ADGRF4: variants seen among roughly 807,000 people sequenced by gnomAD.
ADGRF4 encodes adhesion G protein-coupled receptor F4.
In ADGRF4, 63 loss-of-function variants were observed where a neutral mutation model predicts 58.5. The observed-to-expected ratio is 1.08, with a 90% CI of 0.88 to 1.33. ADGRF4 has a LOEUF of 1.33. Ranked by LOEUF, ADGRF4 falls within the 40% of genes most tolerant of loss-of-function variation. The pLI is 0.00. For synonymous variants in ADGRF4, 313 were observed against 295.4 expected, an observed-to-expected ratio of 1.06 and a Z score of -0.61; for missense variants, 931 against 843.9, an observed-to-expected ratio of 1.10 and a Z score of -1.28.
chr6:47,707,112 G>T, intron 1 of ADGRF4, 118 bp from the exon 2 acceptor site: 1 of 661,016 alleles, frequency 1.5e-6, no homozygotes, highest in South Asian at 1.8e-5. Flanking sequence ...AGGCTGCTTT[G>T]GCATGACTAT....
rs115580348 is a variant in ADGRF4, at chr6:47,701,372, G to A, written c.-17+2578G>A. Among the ~76,000 whole-genome samples the A allele has an allele frequency of 4.4e-3, 663 of 152,216 alleles. 3 individuals carry two copies. Among genetic ancestry groups the A allele is most frequent in the African/African-American group, 0.014 (578 of 41,562 alleles). ...AAGTGGAGGAGAAGGAACCTGCGAC[G>A]TGACTTTTTCAGGTCCCAAGAAGCT... On this transcript the variant is annotated intron_variant, in intron 1 of 9. Coordinates refer to ENST00000283303, the MANE Select transcript of ADGRF4 (RefSeq NM_153838.5).
Position 47,716,799 on chromosome 6 carries a change from G to A in ADGRF4, c.1933-7G>A, listed in dbSNP as rs112134528. Reference sequence around the variant, plus strand: ...ATCCCTCATGAATCTGTTCAATTTTGCCACAGGGTTTTTTCATCCTGCTGT... The same window carrying A: ...ATCCCTCATGAATCTGTTCAATTTTACCACAGGGTTTTTTCATCCTGCTGT... On this transcript the variant is annotated splice_polypyrimidine_tract_variant and splice_region_variant and intron_variant, in intron 6 of 9. Coordinates refer to ENST00000283303, the MANE Select transcript of ADGRF4 (RefSeq NM_153838.5). The A allele has an allele frequency of 1.3e-6, 2 of 1,597,936 alleles. No homozygotes were observed. Among genetic ancestry groups the A allele is most frequent in the South Asian group, 2.3e-5 (2 of 88,400 alleles).
Position 47,714,210 on chromosome 6 carries a change from C to G in ADGRF4, c.965C>G (p.Ser322Ter). The G allele has an allele frequency of 9.9e-6, 16 of 1,614,116 alleles. No homozygotes were observed. The highest frequency in any genetic ancestry group is 1.1e-5 in the Non-Finnish European group (13 of 1,180,016). ...AGACAGGTAAATGGTCTGGTGCTAT[C>G]AGTGGTTTTACCAGAAAGGTTGCAA... ...LPRQVNGLVL[S>*]VVLPERLQEI... Residue 322 changes from serine to a stop codon, truncating the protein, a stop_gained, in exon 6 of 10, where the codon TCA becomes TGA. Transcript: ENST00000283303. LOFTEE classifies it high-confidence loss of function.
In ADGRF4 at chr6:47,712,471, T is replaced by C. The variant is rs1170541995; in HGVS notation, c.415T>C (p.Cys139Arg). The C allele has an allele frequency of 6.2e-7, 1 of 1,614,160 alleles. No individual in the cohort carries two copies. ...ESVAQGIRKN[C>R]PFDYACITDM... ...TGTAGCTCAAGGAATCCGTAAGAAC[T>C]GCCCCTTTGATTATGCCTGCATCAC... Residue 139 changes from cysteine (C) to arginine (R), a missense_variant, in exon 5 of 10, where the codon TGC (cysteine) becomes CGC (arginine). Transcript: ENST00000283303.
At chr6:47,711,092 T>A (rs1439434088) in intron 4 of ADGRF4, among the ~76,000 whole-genome samples, 2 of 141,530 alleles carry the variant, frequency 1.4e-5, no homozygotes, top group East Asian at 4.3e-4. Flanking sequence ...TCTCTATTTC[T>A]CCCGCTAAGA....
At position 47,712,403 on chromosome 6, in the gene ADGRF4, CTCTGCATAT is replaced by C. The variant is rs1443046647; in HGVS notation, c.351_359del (p.His118_Leu120del). The C allele has an allele frequency of 1.2e-6, 2 of 1,613,688 alleles. No homozygotes were observed. The highest frequency in any genetic ancestry group is 1.7e-6 in the Non-Finnish European group (2 of 1,179,708). ...CTTTCTGTAGCAGCACCATCTATAC[CTCTGCATAT>C]TCTAGACTTTCGAGCTCCAGAGACC... On this transcript the variant is annotated inframe_deletion, in exon 5 of 10. Transcript: ENST00000283303.
intron 1 of ADGRF4, among the ~76,000 whole-genome samples, chr6:47,700,878 G>T (rs1418644022): frequency 6.6e-6 from 1 of 152,228 alleles, no homozygotes; most frequent in Admixed American, 6.5e-5. Flanking sequence ...TTTACTGAGT[G>T]TCTATTCTGT....
rs142674639 is a variant in ADGRF4 at position 47,699,369 on chromosome 6, GTTTA to G, written c.-17+579_-17+582del. Among the ~76,000 whole-genome samples the G allele has an allele frequency of 4.3e-3, 659 of 152,300 alleles. 3 individuals are homozygous for G. Among genetic ancestry groups the G allele is most frequent in the African/African-American group, 0.014 (574 of 41,574 alleles). The stretch of plus-strand genomic sequence containing the variant: ...CTAAAGTGTTGCATCATTAGGTGCT[GTTTA>G]TTTGTTTGTTTGTTTGTTTTTCAGT... On this transcript the variant is annotated intron_variant, in intron 1 of 9. Coordinates refer to ENST00000283303, the MANE Select transcript of ADGRF4 (RefSeq NM_153838.5).
In ADGRF4 at chr6:47,703,194, A is replaced by G. The variant is rs569542282; in HGVS notation, c.-16-4036A>G. 5.3e-5 allele frequency among the ~76,000 whole-genome samples: 8 copies of G among 152,334 alleles called. No homozygotes were observed. In the East Asian group the frequency reaches 1.3e-3, roughly 26 times the overall value. Reference sequence around the variant, plus strand: ...AAACTCCAATTCACTTTAATTATTAATCTTTATCAGTGGTAGATCTAAGGA... The same window carrying G: ...AAACTCCAATTCACTTTAATTATTAGTCTTTATCAGTGGTAGATCTAAGGA... On this transcript the variant is annotated intron_variant, in intron 1 of 9. Coordinates refer to ENST00000283303, the MANE Select transcript of ADGRF4 (RefSeq NM_153838.5).
At chr6:47,717,426 C>T (rs1772049693) in intron 8 of ADGRF4, 75 bp downstream of exon 8, 1 of 893,564 alleles carries the variant, frequency 1.1e-6, no homozygotes, top group Non-Finnish European at 1.9e-6. Flanking sequence ...AATACCATAG[C>T]TCAGTACTCA....
At chr6:47,719,388 C>T (rs111708630) in intron 9 of ADGRF4, among the ~76,000 whole-genome samples, 183 of 152,248 alleles carry the variant, frequency 1.2e-3, no homozygotes, top group African/African-American at 4.2e-3. Context: ...GAGGAAAACA[C>T]AGGCCTGTTA....
chr6:47,718,525 C>T, intron 9 of ADGRF4, 80 bp downstream of exon 9: 1 of 820,148 alleles, frequency 1.2e-6, no homozygotes, highest in Non-Finnish European at 2.2e-6. Flanking sequence ...CACACTATTG[C>T]CTGCTACGTG....
chr6:47,702,065 C>G (rs1279111890), intron 1 of ADGRF4, among the ~76,000 whole-genome samples: 1 of 152,184 alleles, frequency 6.6e-6, no homozygotes, highest in East Asian at 1.9e-4. Flanking sequence ...TCTCAAACTC[C>G]TGGTCTTAGG....
Position 47,714,571 on chromosome 6 carries a change from C to T in ADGRF4, c.1326C>T (p.Cys442=). The change falls in exon 6 of 10, where the codon TGC becomes TGT. Residue 442 remains cysteine (C), a synonymous_variant. Transcript: ENST00000283303. ...VTEISYMRHV[C]IVNIAVSLLT... ...AGATATCATACATGCGTCACGTGTGCATCGTGAATATAGCAGTGTCCCTTC... is the reference window on the plus strand; with the variant it reads ...AGATATCATACATGCGTCACGTGTGTATCGTGAATATAGCAGTGTCCCTTC... The T allele has an allele frequency of 6.2e-7, 1 of 1,614,070 alleles. No individual in the cohort carries two copies. Among genetic ancestry groups the T allele is most frequent in the Non-Finnish European group, 8.5e-7 (1 of 1,179,980 alleles).
intron 9 of ADGRF4, among the ~76,000 whole-genome samples, chr6:47,718,872 T>C (rs1178907161): frequency 6.6e-6 from 1 of 152,180 alleles, no homozygotes; most frequent in Non-Finnish European, 1.5e-5. Flanking sequence ...ATTAGCTACC[T>C]ACTTATAGCC....
rs769467751 is a variant in ADGRF4 at position 47,717,300 on chromosome 6, T to C, written c.1983T>C (p.Asp661=). The C allele has an allele frequency of 3.1e-6, 5 of 1,609,422 alleles. No individual in the cohort carries two copies. The highest frequency in any genetic ancestry group is 4.5e-5 in the East Asian group (2 of 44,832). The change falls in exon 8 of 10, where the codon GAT becomes GAC. Residue 661 remains aspartate, a synonymous_variant. Transcript: ENST00000283303. ...TGTCATTGCTTCTTTAGATAAGAGA[T>C]GCTTTGAGGATGAGGATGTCTTCAC... ...FGTIMDHKIR[D]ALRMRMSSLK...
intron 4 of ADGRF4, 85 bp from the exon 5 acceptor site, chr6:47,712,272 A>C (rs987370860): frequency 3.0e-5 from 40 of 1,351,372 alleles, no homozygotes; most frequent in Middle Eastern, 2.2e-4. Flanking sequence ...TACCTTACCC[A>C]TGTAGATTGT....
At chr6:47,717,098 T>C (rs1305074760) in intron 7 of ADGRF4, among the ~76,000 whole-genome samples, 194 bp from the exon 8 acceptor site, 2 of 152,198 alleles carry the variant, frequency 1.3e-5, no homozygotes, top group African/African-American at 4.8e-5. Context: ...ACAATTTTAG[T>C]CCTAATACCA....
chr6:47,717,370 G>T lies in ADGRF4; in HGVS notation c.2034+19G>T, dbSNP rs375536236. ...AGCTGAGGTAAGCCTTCCCCTTTTA[G>T]TCTCAGCCCTGGAGAGTCCGTGTCC... On this transcript the variant is annotated intron_variant, in intron 8 of 9. Transcript: ENST00000283303. 2.4e-5 allele frequency: 38 copies of T among 1,574,010 alleles called. No homozygotes were observed. Among genetic ancestry groups the T allele is most frequent in the Non-Finnish European group, 2.9e-5 (33 of 1,143,522 alleles).
Sources: allele counts gnomAD v4.1 joint callset (sites outside exome capture counted in the v4.1 genomes callset), GRCh38; gene constraint gnomAD v4.1.1; transcripts MANE v1.5; gene names NCBI Gene and HGNC (gene_info 2026-07-23, HGNC 2026-07-21).